EPB41: variants seen among roughly 807,000 people sequenced by gnomAD.
EPB41 encodes protein 4.1.
A neutral mutation model predicts 108.0 loss-of-function variants in EPB41; 65 were observed. The ratio of observed to expected loss-of-function variants is 0.60; its 90% CI spans 0.49 to 0.74. The LOEUF is 0.74. EPB41 is among the 30% of genes least tolerant of loss of function. The pLI, the probability that EPB41 is intolerant of heterozygous loss-of-function variation, is 0.00. For missense variants in EPB41, 875 were observed against 1,037.0 expected (o/e 0.84, Z 2.15); for synonymous variants, 336 against 358.9 (o/e 0.94, Z 0.72).
At chr1:28,981,719 G>A (rs1360287125) in intron 1 of EPB41, among the ~76,000 whole-genome samples, 3 of 151,858 alleles carry the variant, frequency 2.0e-5, no homozygotes, top group Admixed American at 6.6e-5. Context: ...TGCATTTTTC[G>A]CATATTTGCA....
In EPB41 at chr1:29,118,909, G is replaced by A. The variant is rs1671416542; in HGVS notation, c.*2097G>A. On this transcript the variant is annotated 3_prime_UTR_variant, in exon 21 of 21. Coordinates refer to ENST00000343067, the MANE Select transcript of EPB41 (RefSeq NM_001376013.1). ...ATGCCCACTGCCTGATGGCCAGATGGCCTGTAGGAAGAGCTACCAGGGCTT... is the reference window on the plus strand; with the variant it reads ...ATGCCCACTGCCTGATGGCCAGATGACCTGTAGGAAGAGCTACCAGGGCTT... 1 of 152,310 alleles carries A rather than the reference G, an allele frequency of 6.6e-6. No individual in the cohort carries two copies. Among genetic ancestry groups the A allele is most frequent in the African/African-American group, 2.4e-5 (1 of 41,460 alleles). The allele number at this position is 152,310 out of a possible 1,614,324, so 9.4% of individuals were successfully genotyped here.
chr1:28,999,024 A>G (rs1383627325), intron 4 of EPB41, among the ~76,000 whole-genome samples: 5 of 152,216 alleles, frequency 3.3e-5, no homozygotes, highest in African/African-American at 1.2e-4. Context: ...AAAACAAAAC[A>G]ATGCCCTCAA....
chr1:29,042,437 C>A (rs1319103064), intron 11 of EPB41, among the ~76,000 whole-genome samples: 2 of 152,022 alleles, frequency 1.3e-5, no homozygotes, highest in Non-Finnish European at 2.9e-5. Context: ...GACTTTTGTG[C>A]TTCCATACTG....
chr1:29,097,583 AAAGTGAT>A (rs1663666339), intron 16 of EPB41: 1 of 573,282 alleles, frequency 1.7e-6, no homozygotes, highest in Non-Finnish European at 3.1e-6. Context: ...TAAGCTTATG[AAAGTGAT>A]TACAGTAATG....
At chr1:28,918,947 A>G (rs935581661) in intron 1 of EPB41, among the ~76,000 whole-genome samples, 1 of 152,144 alleles carries the variant, frequency 6.6e-6, no homozygotes, top group Admixed American at 6.5e-5. Flanking sequence ...ATGCAATATA[A>G]CTTACTCTGG....
At chr1:28,968,980 C>A (rs889694646) in intron 1 of EPB41, among the ~76,000 whole-genome samples, 2 of 149,456 alleles carry the variant, frequency 1.3e-5, no homozygotes, top group Non-Finnish European at 3.0e-5. Flanking sequence ...CCCCCCACCC[C>A]CCAAAAAAAA....
intron 4 of EPB41, among the ~76,000 whole-genome samples, 192 bp from the exon 5 acceptor site, chr1:29,011,673 C>G (rs1418869289): frequency 2.0e-5 from 3 of 152,178 alleles, no homozygotes; most frequent in Non-Finnish European, 2.9e-5. Flanking sequence ...AGCTAATATT[C>G]AACCCAAATG....
At chr1:29,056,054 G>C (rs1201520646) in intron 12 of EPB41, among the ~76,000 whole-genome samples, 1 of 151,632 alleles carries the variant, frequency 6.6e-6, no homozygotes, top group Non-Finnish European at 1.5e-5. Context: ...GGCCAACATG[G>C]TGAAACCCCG....
chr1:29,049,393 A>G (rs544145653), intron 11 of EPB41, among the ~76,000 whole-genome samples: 10 of 152,204 alleles, frequency 6.6e-5, no homozygotes, highest in Non-Finnish European at 1.2e-4. Flanking sequence ...CCATTCAGTG[A>G]GCAGTGGTTA....
At chr1:28,898,397 G>C (rs1306573953) in intron 1 of EPB41, among the ~76,000 whole-genome samples, 3 of 151,636 alleles carry the variant, frequency 2.0e-5, no homozygotes, top group Admixed American at 6.6e-5. Context: ...CCACTGAAAA[G>C]CCATGTGGCC....
At chr1:28,973,043 G>A (rs1206498232) in intron 1 of EPB41, among the ~76,000 whole-genome samples, 3 of 152,174 alleles carry the variant, frequency 2.0e-5, no homozygotes, top group Non-Finnish European at 2.9e-5. Context: ...GCTAATTAGT[G>A]TACTTAAATT....
At chr1:29,023,275 G>A (rs1188879769) in intron 7 of EPB41, among the ~76,000 whole-genome samples, 3 of 151,656 alleles carry the variant, frequency 2.0e-5, no homozygotes, top group East Asian at 1.9e-4. Flanking sequence ...GATTACAGAC[G>A]TAAGCCACCG....
intron 20 of EPB41, among the ~76,000 whole-genome samples, chr1:29,116,557 A>T (rs1671022575): frequency 6.6e-6 from 1 of 152,150 alleles, no homozygotes; most frequent in African/African-American, 2.4e-5. Context: ...CAGAGCAGGG[A>T]GGTAATGGCT....
At chr1:29,064,027 G>A (rs1272691162) in intron 15 of EPB41, among the ~76,000 whole-genome samples, 1 of 151,694 alleles carries the variant, frequency 6.6e-6, no homozygotes, top group Non-Finnish European at 1.5e-5. Flanking sequence ...TGTACCTCAG[G>A]TTGCCCAGTA....
chr1:28,998,054 AG>A (rs1254067433), intron 4 of EPB41, among the ~76,000 whole-genome samples: 1 of 152,236 alleles, frequency 6.6e-6, no homozygotes, highest in African/African-American at 2.4e-5. Context: ...GCTGTGAATA[AG>A]GTAGACATGG....
At position 29,003,788 on chromosome 1, in the gene EPB41, C is replaced by G. The variant is rs560875235; in HGVS notation, c.786+6469C>G. Among the ~76,000 whole-genome samples, 7 of 152,206 alleles carry G rather than the reference C, an allele frequency of 4.6e-5. No homozygotes were observed. In the South Asian group the frequency reaches 1.5e-3, roughly 32 times the overall value. ...AGACAAGTGGAAAAGCGGTAAGAAG[C>G]AAACTTCTTTTTCTTTCAGGCTGGA... is the stretch of plus-strand genomic sequence containing the variant. On this transcript the variant is annotated intron_variant, in intron 4 of 20. Transcript: ENST00000343067.
intron 1 of EPB41, 78 bp downstream of exon 1, chr1:28,914,846 G>C (rs1340880012): frequency 6.6e-6 from 1 of 152,454 alleles, no homozygotes; most frequent in Admixed American, 6.6e-5. Context: ...GGTCCTGGCG[G>C]CCGCGGCGGC....
At chr1:29,034,772 A>G (rs1638742860) in intron 9 of EPB41, among the ~76,000 whole-genome samples, 1 of 152,168 alleles carries the variant, frequency 6.6e-6, no homozygotes, top group Non-Finnish European at 1.5e-5. Flanking sequence ...AATCTGAGGA[A>G]TAAGTTCAAG....
In EPB41 at chr1:28,987,722, C is replaced by T. The variant is rs755218198; in HGVS notation, c.285C>T (p.Ser95=). Residue 95 remains serine (S), a synonymous_variant, in exon 2 of 21, where the codon TCC becomes TCT. Transcript: ENST00000343067. The part of the protein sequence containing the change: ...SFLKRPKSQV[S]EEEGKEVESD... Reference sequence around the variant, plus strand: ...TCAAAAGGCCCAAATCTCAGGTGTCCGAGGAAGAAGGCAAAGAAGTAGAGT... The same window carrying T: ...TCAAAAGGCCCAAATCTCAGGTGTCTGAGGAAGAAGGCAAAGAAGTAGAGT... 18 of 1,614,020 alleles carry T rather than the reference C, an allele frequency of 1.1e-5. No individual in the cohort carries two copies. Among genetic ancestry groups the T allele is most frequent in the East Asian group, 4.5e-5 (2 of 44,874 alleles).
Sources: gnomAD v4.1 joint callset for allele counts (sites outside exome capture counted in the v4.1 genomes callset) on GRCh38, gnomAD v4.1.1 for gene constraint, MANE v1.5 for transcripts, NCBI Gene and HGNC (gene_info 2026-07-23, HGNC 2026-07-21) for gene names.